MAST4: variants seen among roughly 807,000 people sequenced by gnomAD.
MAST4 encodes the protein microtubule associated serine/threonine kinase family member 4, also known as microtubule-associated serine/threonine-protein kinase 4.
A neutral mutation model predicts 162.7 loss-of-function variants in MAST4; 89 were observed. That is an observed-to-expected ratio of 0.55 (90% confidence interval 0.46 to 0.65). MAST4 has a LOEUF of 0.65. Among genes scored for constraint, MAST4 ranks in the 30% least tolerant of loss-of-function variants. The probability of loss-of-function intolerance (pLI) is 0.00; values close to 1 mark genes in which losing one functional copy is unlikely to be tolerated. For synonymous variants in MAST4, 1,479 were observed against 1,361.1 expected (o/e 1.09, Z -1.91); for missense variants, 3,153 against 3,374.0 (o/e 0.93, Z 1.62).
chr5:66,809,736 G>C (rs1756386560), intron 3 of MAST4, among the ~76,000 whole-genome samples: 1 of 152,112 alleles, frequency 6.6e-6, no homozygotes, highest in South Asian at 2.1e-4. Context: ...TAAAATATAT[G>C]ACTTTTTGTT....
chr5:67,024,168 G>A (rs1372504466), intron 4 of MAST4, among the ~76,000 whole-genome samples: 1 of 141,860 alleles, frequency 7.0e-6, no homozygotes, highest in Non-Finnish European at 1.5e-5. Context: ...TTGTCTTTTT[G>A]TGGCTTGCTT....
At chr5:67,055,596 T>C (rs1206572290) in intron 5 of MAST4, among the ~76,000 whole-genome samples, 1 of 152,148 alleles carries the variant, frequency 6.6e-6, no homozygotes, top group Non-Finnish European at 1.5e-5. Flanking sequence ...TAGAAATAAT[T>C]AAAGGAATTA....
chr5:66,614,058 G>A (rs901966190), intron 1 of MAST4, among the ~76,000 whole-genome samples: 1 of 152,190 alleles, frequency 6.6e-6, no homozygotes, highest in African/African-American at 2.4e-5. Flanking sequence ...AAAGGAGAAG[G>A]TGCTAGGTAT....
chr5:67,067,762 A>G (rs1027665614), intron 5 of MAST4, among the ~76,000 whole-genome samples: 2 of 152,180 alleles, frequency 1.3e-5, no homozygotes, highest in Admixed American at 6.5e-5. Flanking sequence ...GATCAGAACC[A>G]CGGCAGTTCC....
chr5:66,652,561 A>G (rs562907759), intron 1 of MAST4, among the ~76,000 whole-genome samples: 4 of 152,346 alleles, frequency 2.6e-5, no homozygotes, highest in African/African-American at 9.6e-5. Context: ...AAAAAGATGT[A>G]AAAAACAATT....
intron 4 of MAST4, among the ~76,000 whole-genome samples, chr5:66,904,898 A>G (rs965892653): frequency 2.0e-5 from 3 of 152,156 alleles, no homozygotes; most frequent in Admixed American, 6.5e-5. Context: ...GTACCCAAAC[A>G]GTAGTTTTCC....
intron 2 of MAST4, among the ~76,000 whole-genome samples, chr5:66,778,995 C>T (rs1012660868): frequency 6.6e-6 from 1 of 152,190 alleles, no homozygotes; most frequent in Non-Finnish European, 1.5e-5. Context: ...ACTTCTGATA[C>T]CTGTCCCCCT....
At chr5:67,051,601 A>G (rs1462928651) in intron 4 of MAST4, among the ~76,000 whole-genome samples, 1 of 152,152 alleles carries the variant, frequency 6.6e-6, no homozygotes. Context: ...GAAGCAGGTA[A>G]TACTGAGATT....
At chr5:66,867,580 A>G (rs111525656) in intron 3 of MAST4, among the ~76,000 whole-genome samples, 4 of 152,114 alleles carry the variant, frequency 2.6e-5, no homozygotes, top group African/African-American at 7.2e-5. Context: ...GCACATGTCA[A>G]CTCTTCTTTT....
chr5:66,893,759 T>A (rs935420932), intron 3 of MAST4, among the ~76,000 whole-genome samples: 1 of 152,260 alleles, frequency 6.6e-6, no homozygotes, highest in Non-Finnish European at 1.5e-5. Flanking sequence ...GCTTGACTAC[T>A]GTCTTCATTT....
chr5:66,970,807 C>T (rs898753459), intron 4 of MAST4, among the ~76,000 whole-genome samples: 2 of 152,202 alleles, frequency 1.3e-5, no homozygotes, highest in African/African-American at 4.8e-5. Flanking sequence ...GGCTGGGAGG[C>T]AGGTACTGTC....
intron 4 of MAST4, among the ~76,000 whole-genome samples, chr5:66,938,145 T>G (rs1018946157): frequency 6.6e-6 from 1 of 152,142 alleles, no homozygotes; most frequent in African/African-American, 2.4e-5. Flanking sequence ...CTTTTACCTC[T>G]TTTAGAACTG....
intron 3 of MAST4, among the ~76,000 whole-genome samples, chr5:66,819,089 T>C (rs1044969725): frequency 2.6e-5 from 4 of 152,158 alleles, no homozygotes; most frequent in Admixed American, 2.6e-4. Context: ...AGCACTTCTC[T>C]TTCAACTGTT....
intron 5 of MAST4, among the ~76,000 whole-genome samples, chr5:67,061,225 C>T (rs1759548862): frequency 6.6e-6 from 1 of 152,116 alleles, no homozygotes; most frequent in Non-Finnish European, 1.5e-5. Flanking sequence ...TTGTTCCCCC[C>T]TTATCACCAC....
chr5:66,811,465 G>A (rs1756472582), intron 3 of MAST4, among the ~76,000 whole-genome samples: 1 of 152,164 alleles, frequency 6.6e-6, no homozygotes, highest in Admixed American at 6.5e-5. Flanking sequence ...GGAAAGGTTG[G>A]GAAATAGGTT....
At chr5:67,125,952 G>A (rs1474715243) in intron 14 of MAST4, among the ~76,000 whole-genome samples, 3 of 152,120 alleles carry the variant, frequency 2.0e-5, no homozygotes, top group Admixed American at 6.5e-5. Flanking sequence ...ATTCTAACTG[G>A]CGAGAGATGG....
At chr5:67,094,066 C>T (rs1366064690) in intron 6 of MAST4, 4 of 708,072 alleles carry the variant, frequency 5.6e-6, no homozygotes, top group African/African-American at 3.6e-5. Context: ...TAATTTATCT[C>T]AATTTCTTTT....
At chr5:66,660,022 G>A (rs1254398037) in intron 1 of MAST4, among the ~76,000 whole-genome samples, 1 of 152,100 alleles carries the variant, frequency 6.6e-6, no homozygotes, top group Non-Finnish European at 1.5e-5. Flanking sequence ...TCCACAGATG[G>A]GTATTTTTTC....
At chr5:66,828,758 G>T in intron 3 of MAST4, 1 of 1,556,224 alleles carries the variant, frequency 6.4e-7, no homozygotes, top group Middle Eastern at 1.8e-4. Flanking sequence ...TTTAGCAGCT[G>T]CCGGGCTCTG....
Sources: gnomAD v4.1 joint callset for allele counts (sites outside exome capture counted in the v4.1 genomes callset) on GRCh38, gnomAD v4.1.1 for gene constraint, MANE v1.5 for transcripts, NCBI Gene and HGNC (gene_info 2026-07-23, HGNC 2026-07-21) for gene names.